Variants in FAM110B observed in about 807,000 individuals in gnomAD.
FAM110B encodes the protein family with sequence similarity 110 member B, also known as protein FAM110B.
A neutral mutation model predicts 20.4 loss-of-function variants in FAM110B; 6 were observed. That is an observed-to-expected ratio of 0.29 (90% CI 0.16 to 0.58). The LOEUF (loss-of-function observed/expected upper bound fraction) is 0.58, where lower values mean the gene tolerates loss of function less well. FAM110B is among the 20% of genes least tolerant of loss of function. FAM110B has a pLI of 0.90. For synonymous variants in FAM110B, 226 were observed against 214.1 expected (o/e 1.06, Z -0.49); for missense variants, 434 against 498.2 (o/e 0.87, Z 1.23).
chr8:58,104,984 C>A (rs929174153), intron 3 of FAM110B, among the ~76,000 whole-genome samples: 1 of 145,054 alleles, frequency 6.9e-6, no homozygotes, highest in South Asian at 2.2e-4. Flanking sequence ...AAAAGGATTT[C>A]TTTTCCATTG....
intron 3 of FAM110B, among the ~76,000 whole-genome samples, chr8:58,128,717 A>G (rs1381138794): frequency 6.6e-6 from 1 of 152,198 alleles, no homozygotes; most frequent in East Asian, 1.9e-4. Flanking sequence ...GTATCAGAGG[A>G]AGTAGGTCAC....
chr8:58,019,187 C>T (rs1804694401), intron 1 of FAM110B, among the ~76,000 whole-genome samples: 1 of 151,246 alleles, frequency 6.6e-6, no homozygotes, highest in African/African-American at 2.4e-5. Context: ...AAAATATAAA[C>T]ATTAGCTGGG....
At chr8:58,087,895 A>G (rs1364471445) in intron 3 of FAM110B, among the ~76,000 whole-genome samples, 1 of 152,218 alleles carries the variant, frequency 6.6e-6, no homozygotes, top group Admixed American at 6.5e-5. Flanking sequence ...CAATTGAACT[A>G]ATATAAACAT....
At chr8:58,091,664 CAT>C (rs1490925143) in intron 3 of FAM110B, 2 of 152,164 alleles carry the variant, frequency 1.3e-5, no homozygotes, top group Non-Finnish European at 2.9e-5. Context: ...GTAATTTTTA[CAT>C]ATTCATGACA....
chr8:58,082,362 C>T (rs1285627263), intron 3 of FAM110B, among the ~76,000 whole-genome samples: 2 of 152,210 alleles, frequency 1.3e-5, no homozygotes, highest in Admixed American at 1.3e-4. Context: ...CCACTGACAG[C>T]AGAAGAAGGA....
intron 3 of FAM110B, chr8:58,077,361 G>A (rs1277969012): frequency 1.3e-5 from 2 of 152,468 alleles, no homozygotes; most frequent in African/African-American, 4.8e-5. Context: ...GTCAGAGCAA[G>A]CCAGGACATG....
At chr8:58,040,670 A>C (rs1309787546) in intron 2 of FAM110B, among the ~76,000 whole-genome samples, 4 of 152,222 alleles carry the variant, frequency 2.6e-5, no homozygotes, top group Non-Finnish European at 5.9e-5. Flanking sequence ...TAACAATTAT[A>C]TTAGGAACTT....
At position 58,015,862 on chromosome 8, in the gene FAM110B, A is replaced by C. The variant is rs1216701963; in HGVS notation, c.-511-15744A>C. 1.3e-5 allele frequency among the ~76,000 whole-genome samples: 2 copies of C among 150,764 alleles called. 1 individual carries two copies. The highest frequency in any genetic ancestry group is 4.9e-5 in the African/African-American group (2 of 41,004). ...TTTGTCTCAAAAAAAAAAAAAAAAG[A>C]AAAAGAAAAAAGGCATGAGGATTTC... On this transcript the variant is annotated intron_variant, in intron 1 of 3. Coordinates refer to ENST00000519262, the MANE Select transcript of FAM110B (RefSeq NM_001377989.1).
At chr8:58,054,275 A>G (rs1235701531) in intron 2 of FAM110B, among the ~76,000 whole-genome samples, 5 of 152,218 alleles carry the variant, frequency 3.3e-5, no homozygotes, top group Admixed American at 3.3e-4. Flanking sequence ...GAAGGTGGAT[A>G]TGAAACCACA....
intron 1 of FAM110B, among the ~76,000 whole-genome samples, chr8:58,030,525 G>A (rs372153008): frequency 4.6e-5 from 7 of 152,200 alleles, no homozygotes; most frequent in African/African-American, 1.7e-4. Context: ...CCAGAAAGGC[G>A]ATGATAGTGC....
chr8:58,072,287 A>G (rs16923001), intron 2 of FAM110B, among the ~76,000 whole-genome samples: 1,567 of 152,326 alleles, frequency 0.01, 18 homozygotes, highest in East Asian at 0.06. Flanking sequence ...TGTCATGGAA[A>G]GATGTAGGAA....
chr8:58,075,269 T>TGTGTGTGTGTGTGTGTGTGTG lies in FAM110B; in HGVS notation c.-413-266_-413-265insGTGTGTGTGTGTGTGTGTGTG, dbSNP rs1554521049. ...ACACTGAACTAATTTTTGCTTTTTT[T>TGTGTGTGTGTGTGTGTGTGTG]TTTTTTTGTGTGTGTGTGTGTGTGT... On this transcript the variant is annotated intron_variant, in intron 2 of 3. Coordinates refer to ENST00000519262, the MANE Select transcript of FAM110B (RefSeq NM_001377989.1). Among the ~76,000 whole-genome samples, 240 of 122,372 alleles carry TGTGTGTGTGTGTGTGTGTGTG rather than the reference T, an allele frequency of 2.0e-3. 2 individuals carry two copies. The highest frequency in any genetic ancestry group is 9.7e-3 in the African/African-American group (229 of 23,538). 80.3% of individuals were successfully genotyped at this position (122,372 alleles called of 152,430 possible).
At chr8:58,025,619 G>A (rs1425730883) in intron 1 of FAM110B, among the ~76,000 whole-genome samples, 2 of 152,198 alleles carry the variant, frequency 1.3e-5, no homozygotes, top group African/African-American at 4.8e-5. Flanking sequence ...TGAAAGGCTG[G>A]TGTTGGGAGA....
rs1585799731 is a variant in FAM110B at position 58,000,182 on chromosome 8, C to G, written c.-512+5376C>G. On this transcript the variant is annotated intron_variant, in intron 1 of 3. Transcript: ENST00000519262. ...AGGCAGAACCTGCCCTTGTGAGGAA[C>G]AGGAGATAGCAGCCAAGGAACCAGG... Among the ~76,000 whole-genome samples, 3 of 152,330 alleles carry G rather than the reference C, an allele frequency of 2.0e-5. 1 individual carries two copies. Among genetic ancestry groups the G allele is most frequent in the Admixed American group, 2.0e-4 (3 of 15,300 alleles).
intron 1 of FAM110B, among the ~76,000 whole-genome samples, chr8:58,024,941 C>T (rs1320980741): frequency 6.6e-6 from 1 of 152,200 alleles, no homozygotes; most frequent in South Asian, 2.1e-4. Context: ...CTTCTATCTT[C>T]TGTAGACTTA....
At chr8:58,081,457 T>C (rs1191852568) in intron 3 of FAM110B, among the ~76,000 whole-genome samples, 1 of 152,244 alleles carries the variant, frequency 6.6e-6, no homozygotes, top group African/African-American at 2.4e-5. Flanking sequence ...TCTGCCCACC[T>C]CAGCCTCCCA....
At chr8:58,096,787 T>A (rs149733504) in intron 3 of FAM110B, among the ~76,000 whole-genome samples, 28 of 152,288 alleles carry the variant, frequency 1.8e-4, no homozygotes, top group African/African-American at 6.7e-4. Context: ...ATTTTATTTC[T>A]CCTTTGCTTA....
chr8:58,109,106 G>T (rs1277862211), intron 3 of FAM110B, among the ~76,000 whole-genome samples: 1 of 152,140 alleles, frequency 6.6e-6, no homozygotes, highest in Admixed American at 6.5e-5. Context: ...GTGTCAGTCT[G>T]CCGACTTCAT....
chr8:58,084,622 G>A (rs772098810), intron 3 of FAM110B, among the ~76,000 whole-genome samples: 10 of 151,942 alleles, frequency 6.6e-5, no homozygotes, highest in Admixed American at 2.0e-4. Context: ...TCTCTTGACC[G>A]TGTGATGCTC....
Sources: gnomAD v4.1 joint callset for allele counts (sites outside exome capture counted in the v4.1 genomes callset) on GRCh38, gnomAD v4.1.1 for gene constraint, MANE v1.5 for transcripts, NCBI Gene and HGNC (gene_info 2026-07-23, HGNC 2026-07-21) for gene names.